RPS6KA3: variants seen among roughly 807,000 people sequenced by gnomAD.
RPS6KA3 encodes the protein ribosomal protein S6 kinase A3, also known as ribosomal protein S6 kinase alpha-3.
A neutral mutation model predicts 67.2 loss-of-function variants in RPS6KA3; 4 were observed. The ratio of observed to expected loss-of-function variants is 0.06; its 90% confidence interval spans 0.03 to 0.14. The LOEUF (loss-of-function observed/expected upper bound fraction) is 0.14, where lower values mean the gene tolerates loss of function less well. RPS6KA3 is among the 10% of genes least tolerant of loss of function. The probability of loss-of-function intolerance (pLI) is 1.00; values close to 1 mark genes in which losing one functional copy is unlikely to be tolerated. For missense variants in RPS6KA3, 204 were observed against 559.0 expected, an observed-to-expected ratio of 0.36 and a Z score of 6.40; for synonymous variants, 182 against 183.7, an observed-to-expected ratio of 0.99 and a Z score of 0.07.
chrX:20,188,664 T>C (rs2068046914), intron 7 of RPS6KA3, 130 bp from the exon 8 acceptor site: 2 of 427,108 alleles, frequency 4.7e-6, no homozygotes, highest in South Asian at 7.1e-5. Context: ...GTGAATAAGA[T>C]GGCAAAGGCA....
intron 15 of RPS6KA3, among the ~76,000 whole-genome samples, chrX:20,171,960 TTCTA>T (rs777450179): frequency 2.7e-5 from 3 of 112,524 alleles, no homozygotes; most frequent in South Asian, 3.7e-4. Context: ...TGGTTCATCC[TTCTA>T]TCTGACAGAA....
intron 1 of RPS6KA3, among the ~76,000 whole-genome samples, chrX:20,251,272 C>A (rs2069855596): frequency 8.9e-6 from 1 of 112,292 alleles, no homozygotes; most frequent in Non-Finnish European, 1.9e-5. Flanking sequence ...GCTGGAATTA[C>A]AGGCACGTGC....
At chrX:20,230,279 A>T (rs2069226677) in intron 2 of RPS6KA3, among the ~76,000 whole-genome samples, 1 of 112,492 alleles carries the variant, frequency 8.9e-6, no homozygotes, top group Non-Finnish European at 1.9e-5. Context: ...AGTAGGGAAT[A>T]TAGACCAAGT....
intron 2 of RPS6KA3, among the ~76,000 whole-genome samples, chrX:20,233,877 AAAT>A (rs749871742): frequency 5.3e-5 from 6 of 112,977 alleles, no homozygotes; most frequent in Non-Finnish European, 9.4e-5. Context: ...TTGTAAACGT[AAAT>A]AATAATTATC....
chrX:20,169,995 T>C (rs1229564016), intron 15 of RPS6KA3, among the ~76,000 whole-genome samples: 2 of 112,401 alleles, frequency 1.8e-5, no homozygotes, highest in African/African-American at 3.2e-5. Flanking sequence ...AAGCTACTTA[T>C]AAAAGCTAAT....
At position 20,248,541 on chromosome X, in the gene RPS6KA3, G is replaced by A. The variant is rs765478883; in HGVS notation, c.70-13727C>T. ...GTCGCCCAGGCTGGAGTGCAGTGGC[G>A]TGATCTCTGCTCACTGCAAGCTCCG... On this transcript the variant is annotated intron_variant, in intron 1 of 21. Coordinates refer to ENST00000379565, the MANE Select transcript of RPS6KA3 (RefSeq NM_004586.3). 7.9e-4 allele frequency among the ~76,000 whole-genome samples: 88 copies of A among 111,054 alleles called. 1 individual carries two copies. Among genetic ancestry groups the A allele is most frequent in the Non-Finnish European group, 1.5e-3 (81 of 52,885 alleles).
chrX:20,263,825 G>C (rs530363250), intron 1 of RPS6KA3, among the ~76,000 whole-genome samples: 2 of 111,564 alleles, frequency 1.8e-5, no homozygotes, highest in South Asian at 3.7e-4. Flanking sequence ...ATTCAGAGAG[G>C]GGGGGAAAAA....
At chrX:20,212,265 A>T (rs1176017963) in intron 2 of RPS6KA3, among the ~76,000 whole-genome samples, 3 of 111,828 alleles carry the variant, frequency 2.7e-5, no homozygotes, top group African/African-American at 9.8e-5. Context: ...TGGGAGGCTG[A>T]GGTGGGTGGA....
At chrX:20,226,193 A>AAATT (rs1177423053) in intron 2 of RPS6KA3, among the ~76,000 whole-genome samples, 1 of 111,504 alleles carries the variant, frequency 9.0e-6, no homozygotes, top group Admixed American at 9.5e-5. Flanking sequence ...ATAAATAAAT[A>AAATT]CATAAATAAG....
chrX:20,261,635 TCCTGAA>T (rs1241051844), intron 1 of RPS6KA3, among the ~76,000 whole-genome samples: 1 of 112,625 alleles, frequency 8.9e-6, no homozygotes. Context: ...ATACATTTTA[TCCTGAA>T]CCTGTTTTAT....
intron 11 of RPS6KA3, 60 bp downstream of exon 11, chrX:20,176,936 C>G: frequency 2.4e-6 from 2 of 839,055 alleles, no homozygotes; most frequent in East Asian, 6.3e-5. Flanking sequence ...AATATCTACT[C>G]CCCGCTAAAA....
At chrX:20,232,345 C>A (rs1476653499) in intron 2 of RPS6KA3, among the ~76,000 whole-genome samples, 1 of 111,280 alleles carries the variant, frequency 9.0e-6, no homozygotes, top group South Asian at 3.7e-4. Context: ...GAGGCCGAGG[C>A]GAGCAGATCA....
rs1326743106 is a variant in RPS6KA3 at position 20,167,820 on chromosome X, AG to A, written c.1444-74del. ...GCCCAAAACGAAGTTTAAAATATAA[AG>A]GAAAAATTAAACTCACTTCATATTC... On this transcript the variant is annotated intron_variant, in intron 16 of 21. Coordinates refer to ENST00000379565, the MANE Select transcript of RPS6KA3 (RefSeq NM_004586.3). 9.7e-5 allele frequency: 65 copies of A among 673,518 alleles called. No individual in the cohort carries two copies. The African/African-American group carries it at 1.3e-3, about 14-fold the overall frequency. The allele number at this position is 673,518 out of a possible 1,213,427, so 55.5% of individuals were successfully genotyped here.
At chrX:20,230,059 T>G (rs2069221362) in intron 2 of RPS6KA3, among the ~76,000 whole-genome samples, 1 of 112,761 alleles carries the variant, frequency 8.9e-6, no homozygotes, top group Non-Finnish European at 1.9e-5. Flanking sequence ...ACTAATGAAG[T>G]AAACTGCCTC....
chrX:20,164,995 A>G lies in RPS6KA3; in HGVS notation c.1668T>C (p.Ser556=). ...LYVDESGNPE[S]IRICDFGFAK... is the part of the protein sequence containing the mutation. ...CAAAGCCAAAATCACAAATTCGAAT[A>G]GATTCCGGATTACCAGATTCATCCA... The change falls in exon 18 of 22, where the codon TCT becomes TCC. Residue 556 remains serine, a synonymous_variant. Coordinates refer to ENST00000379565, the MANE Select transcript of RPS6KA3 (RefSeq NM_004586.3). 8.3e-7 allele frequency: 1 copy of G among 1,205,156 alleles called. No individual in the cohort carries two copies. Among genetic ancestry groups the G allele is most frequent in the Non-Finnish European group, 1.1e-6 (1 of 889,400 alleles).
intron 4 of RPS6KA3, among the ~76,000 whole-genome samples, chrX:20,197,759 C>T (rs964833462): frequency 9.0e-6 from 1 of 111,414 alleles, no homozygotes; most frequent in African/African-American, 3.3e-5. Flanking sequence ...ATCATCCTAC[C>T]ATGAGGAATT....
At chrX:20,243,325 A>C (rs1326862478) in intron 1 of RPS6KA3, among the ~76,000 whole-genome samples, 1 of 112,003 alleles carries the variant, frequency 8.9e-6, no homozygotes, top group Non-Finnish European at 1.9e-5. Flanking sequence ...GGTATGTCAA[A>C]CTTTCTAAGC....
intron 1 of RPS6KA3, among the ~76,000 whole-genome samples, chrX:20,243,678 G>A (rs1312107048): frequency 1.8e-5 from 2 of 108,122 alleles, no homozygotes; most frequent in East Asian, 5.7e-4. Flanking sequence ...TTTTTTAGTA[G>A]AGACTGGGTT....
intron 10 of RPS6KA3, among the ~76,000 whole-genome samples, chrX:20,180,768 T>G (rs1198572178): frequency 8.9e-6 from 1 of 112,445 alleles, no homozygotes; most frequent in Non-Finnish European, 1.9e-5. Flanking sequence ...TTGGGGAGAC[T>G]CTAGCCTTAC....
Sources: allele counts gnomAD v4.1 joint callset (sites outside exome capture counted in the v4.1 genomes callset), GRCh38; gene constraint gnomAD v4.1.1; transcripts MANE v1.5; gene names NCBI Gene and HGNC (gene_info 2026-07-23, HGNC 2026-07-21).